FGF12: variants seen among roughly 807,000 people sequenced by gnomAD.
FGF12 encodes the protein fibroblast growth factor 12, also known as fibroblast growth factor 12B.
A neutral mutation model predicts 23.6 loss-of-function variants in FGF12; 14 were observed. The observed-to-expected ratio is 0.59, with a 90% CI of 0.39 to 0.93. The LOEUF (loss-of-function observed/expected upper bound fraction) is 0.93. FGF12 is among the 40% of genes least tolerant of loss of function. The probability of loss-of-function intolerance (pLI) is 0.00; values close to 1 mark genes in which losing one functional copy is unlikely to be tolerated. For missense variants in FGF12, 175 were observed against 217.8 expected, an observed-to-expected ratio of 0.80 and a Z score of 1.24; for synonymous variants, 62 against 77.3, an observed-to-expected ratio of 0.80 and a Z score of 1.04.
At position 192,183,895 on chromosome 3, in the gene FGF12, T is replaced by C. The variant is rs1176362965; in HGVS notation, c.229-13239A>G. 2.0e-5 allele frequency among the ~76,000 whole-genome samples: 3 copies of C among 152,194 alleles called. No individual in the cohort carries two copies. The East Asian group carries it at 5.8e-4, about 29-fold the overall frequency. On this transcript the variant is annotated intron_variant, in intron 4 of 5. Transcript: ENST00000445105. ...CAGTGGGTGCTTTGCTTATGATTTA[T>C]GCGCTTTCGTAGATTAAGAATGATT...
At chr3:192,167,746 TATATATATATATATATATATATAAAA>T (rs1715263365) in intron 5 of FGF12, among the ~76,000 whole-genome samples, 3 of 24,612 alleles carry the variant, frequency 1.2e-4, no homozygotes, top group South Asian at 4.0e-3. Flanking sequence ...TATATATATA[TATATATATATATATATATATATAAAA>T]TTTTTTTTTT....
At chr3:192,305,148 G>A (rs1348537646) in intron 4 of FGF12, among the ~76,000 whole-genome samples, 7 of 151,548 alleles carry the variant, frequency 4.6e-5, no homozygotes, top group Non-Finnish European at 1.0e-4. Flanking sequence ...CATGAGGAGA[G>A]ATATCAAAGA....
At chr3:192,286,344 G>A (rs1354865937) in intron 4 of FGF12, among the ~76,000 whole-genome samples, 1 of 152,016 alleles carries the variant, frequency 6.6e-6, no homozygotes, top group African/African-American at 2.4e-5. Flanking sequence ...GGTAGACTCT[G>A]TTTGGAAGCG....
intron 2 of FGF12, among the ~76,000 whole-genome samples, chr3:192,441,738 G>A (rs1313882338): frequency 6.6e-6 from 1 of 152,196 alleles, no homozygotes; most frequent in Non-Finnish European, 1.5e-5. Context: ...TGTTTAACAA[G>A]TGAGTCCTTA....
chr3:192,583,157 C>T (rs1211224048), intron 2 of FGF12, among the ~76,000 whole-genome samples: 2 of 152,258 alleles, frequency 1.3e-5, no homozygotes, highest in South Asian at 4.1e-4. Flanking sequence ...AGTTTGCTAT[C>T]TAATTATACA....
intron 2 of FGF12, among the ~76,000 whole-genome samples, chr3:192,526,800 A>G (rs1724956312): frequency 6.6e-6 from 1 of 152,266 alleles, no homozygotes; most frequent in South Asian, 2.1e-4. Flanking sequence ...GACTGAAGAT[A>G]AAGCCTTAAT....
chr3:192,336,964 G>C lies in FGF12; in HGVS notation c.125-1500C>G, dbSNP rs958258907. On this transcript the variant is annotated intron_variant, in intron 3 of 5. Coordinates refer to ENST00000445105, the MANE Select transcript of FGF12 (RefSeq NM_004113.6). This position sits in a 1 kb window ranked among gnomAD's most constrained non-coding sequence, Gnocchi z 4.3. Reference sequence around the variant, plus strand: ...TTGAATCCATTTCCACATTTTTTACGAAAACTGAGACTAGATAAGAAACTG... The same window carrying C: ...TTGAATCCATTTCCACATTTTTTACCAAAACTGAGACTAGATAAGAAACTG... 2.6e-5 allele frequency among the ~76,000 whole-genome samples: 4 copies of C among 151,996 alleles called. No homozygotes were observed. The highest frequency in any genetic ancestry group is 5.9e-5 in the Non-Finnish European group (4 of 68,004).
intron 4 of FGF12, among the ~76,000 whole-genome samples, chr3:192,329,308 T>C (rs569181276): frequency 4.4e-4 from 67 of 152,168 alleles, no homozygotes; most frequent in Non-Finnish European, 6.2e-4. Flanking sequence ...AATTATGAAT[T>C]ACATAGGTAC....
chr3:192,289,662 T>A (rs1220573217), intron 4 of FGF12, among the ~76,000 whole-genome samples: 1 of 152,144 alleles, frequency 6.6e-6, no homozygotes, highest in Non-Finnish European at 1.5e-5. Context: ...GTGGGAGAGT[T>A]AACCACTTTT....
intron 2 of FGF12, among the ~76,000 whole-genome samples, chr3:192,649,836 C>T (rs112552454): frequency 1.3e-5 from 2 of 152,056 alleles, no homozygotes; most frequent in Non-Finnish European, 2.9e-5. Context: ...GCTGGTATTA[C>T]AGGTGTGGTC....
intron 3 of FGF12, among the ~76,000 whole-genome samples, chr3:192,345,848 T>C (rs148677981): frequency 6.9e-4 from 105 of 152,288 alleles, no homozygotes; most frequent in Admixed American, 2.2e-3. Flanking sequence ...AAAAAATCTT[T>C]AGTTTTTCTT....
chr3:192,599,408 G>A lies in FGF12; in HGVS notation c.13+127773C>T, dbSNP rs76924667. Among the ~76,000 whole-genome samples the A allele has an allele frequency of 9.4e-3, 1,425 of 151,654 alleles. 14 individuals carry two copies. The highest frequency in any genetic ancestry group is 0.03 in the African/African-American group (1,252 of 41,348). On this transcript the variant is annotated intron_variant, in intron 2 of 5. Coordinates refer to ENST00000445105, the MANE Select transcript of FGF12 (RefSeq NM_004113.6). ...CATTTTTGTACCTAAAAAATATCTC[G>A]ACTACTTATATACTACCTATATTAC... is the stretch of plus-strand genomic sequence containing the variant.
At chr3:192,326,432 A>C (rs1716823296) in intron 4 of FGF12, among the ~76,000 whole-genome samples, 1 of 152,168 alleles carries the variant, frequency 6.6e-6, no homozygotes, top group African/African-American at 2.4e-5. Flanking sequence ...ATAGTTACCA[A>C]TAGCGGCCCT....
intron 2 of FGF12, among the ~76,000 whole-genome samples, chr3:192,722,011 T>A (rs905824958): frequency 4.6e-5 from 7 of 152,262 alleles, no homozygotes; most frequent in African/African-American, 1.4e-4. Flanking sequence ...TGTTCATATA[T>A]CCCTACATTG....
intron 2 of FGF12, among the ~76,000 whole-genome samples, chr3:192,614,632 C>G (rs890619146): frequency 1.3e-5 from 2 of 151,900 alleles, no homozygotes; most frequent in African/African-American, 4.8e-5. Flanking sequence ...AAACTCTAAT[C>G]CGTTTTTTTC....
intron 4 of FGF12, among the ~76,000 whole-genome samples, chr3:192,273,488 G>T (rs1211923510): frequency 6.6e-6 from 1 of 152,134 alleles, no homozygotes; most frequent in Non-Finnish European, 1.5e-5. Flanking sequence ...AATATTTAGA[G>T]TTCTTCCTCA....
At chr3:192,237,923 T>G (rs1398538575) in intron 4 of FGF12, 2 of 152,214 alleles carry the variant, frequency 1.3e-5, no homozygotes, top group African/African-American at 4.8e-5. Flanking sequence ...ATCATTAGAG[T>G]TCTTGCACTA....
chr3:192,392,414 AAAATAAAT>A (rs60248403), intron 2 of FGF12, among the ~76,000 whole-genome samples: 1,938 of 143,702 alleles, frequency 0.013, 23 homozygotes, highest in Non-Finnish European at 0.02. Flanking sequence ...CTAAAAATAA[AAAATAAAT>A]AAATAAATAA....
rs190458288 is a variant in FGF12 at position 192,356,166 on chromosome 3, C to T, written c.124+4262G>A. Among the ~76,000 whole-genome samples the T allele has an allele frequency of 4.9e-3, 751 of 152,244 alleles. 4 individuals carry two copies. Among genetic ancestry groups the T allele is most frequent in the African/African-American group, 0.017 (715 of 41,546 alleles). On this transcript the variant is annotated intron_variant, in intron 3 of 5. Coordinates refer to ENST00000445105, the MANE Select transcript of FGF12 (RefSeq NM_004113.6). The stretch of plus-strand genomic sequence containing the variant: ...GTCACTGAGTTCTGAAACCATGCCC[C>T]TCCCACCACCACTCTGCTTCCTCCT...
Sources: gnomAD v4.1 joint callset for allele counts (sites outside exome capture counted in the v4.1 genomes callset) on GRCh38, gnomAD v4.1.1 for gene constraint, Gnocchi (gnomAD v3.1) non-coding constraint, MANE v1.5 for transcripts, NCBI Gene and HGNC (gene_info 2026-07-23, HGNC 2026-07-21) for gene names.